STAG3: variants seen among roughly 807,000 people sequenced by gnomAD.
The protein encoded by STAG3 is STAG3 cohesin complex component.
STAG3 carries 101 observed loss-of-function variants against 160.7 expected under a neutral mutation model. The ratio of observed to expected loss-of-function variants is 0.63; its 90% CI spans 0.54 to 0.74. The LOEUF is 0.74. STAG3 is among the 30% of genes least tolerant of loss of function. The probability of loss-of-function intolerance (pLI) is 0.00; values close to 1 mark genes in which losing one functional copy is unlikely to be tolerated. For missense variants in STAG3, 1,188 were observed against 1,517.4 expected, an observed-to-expected ratio of 0.78 and a Z score of 3.61; for synonymous variants, 519 against 585.0, an observed-to-expected ratio of 0.89 and a Z score of 1.63.
intron 2 of STAG3, 63 bp from the exon 3 acceptor site, chr7:100,182,027 A>C: frequency 3.2e-6 from 4 of 1,240,668 alleles, no homozygotes; most frequent in Non-Finnish European, 3.5e-6. Flanking sequence ...ACCATAATTA[A>C]TTAGCCTTTT....
At chr7:100,195,257 T>G in intron 8 of STAG3, 52 bp from the exon 9 acceptor site, 1 of 1,539,364 alleles carries the variant, frequency 6.5e-7, no homozygotes, top group East Asian at 2.2e-5. Flanking sequence ...CTTCAGGGCC[T>G]TATGCTTGTT....
In STAG3 at chr7:100,201,821, C is replaced by T. The variant is rs1476160510; in HGVS notation, c.2256C>T (p.Ser752=). The T allele has an allele frequency of 1.2e-6, 2 of 1,614,144 alleles. No individual in the cohort carries two copies. Among genetic ancestry groups the T allele is most frequent in the East Asian group, 2.2e-5 (1 of 44,884 alleles). ...CAGCCTTGACTCTTGTCTATTTTTCCATTCTCTGGACACTAACCCACATTT... is the reference window on the plus strand; with the variant it reads ...CAGCCTTGACTCTTGTCTATTTTTCTATTCTCTGGACACTAACCCACATTT... ...ILPALTLVYF[S]ILWTLTHISK... The change falls in exon 22 of 34, where the codon TCC becomes TCT. Residue 752 remains serine (S), a synonymous_variant. Coordinates refer to ENST00000615138, the MANE Select transcript of STAG3 (RefSeq NM_001282717.2).
chr7:100,184,610 G>A (rs565940909), intron 4 of STAG3, among the ~76,000 whole-genome samples: 9 of 151,610 alleles, frequency 5.9e-5, no homozygotes, highest in East Asian at 3.9e-4. Flanking sequence ...TGGGATTACA[G>A]ATGCATGCCA....
chr7:100,189,728 C>A, intron 8 of STAG3, 132 bp downstream of exon 8: 3 of 1,045,214 alleles, frequency 2.9e-6, no homozygotes, highest in Non-Finnish European at 4.2e-6. Flanking sequence ...GTTTCATAGA[C>A]CCATCCTGTA....
intron 13 of STAG3, 83 bp from the exon 14 acceptor site, chr7:100,198,760 T>G (rs1800857637): frequency 6.7e-6 from 9 of 1,337,748 alleles, no homozygotes; most frequent in Non-Finnish European, 8.6e-6. Context: ...TATCATCTCC[T>G]TGGGCCATCT....
chr7:100,216,770 CAA>C (rs398067113), downstream of STAG3, among the ~76,000 whole-genome samples: 1 of 128,730 alleles, frequency 7.8e-6, no homozygotes, highest in African/African-American at 2.9e-5. Context: ...GACTCCGTTT[CAA>C]AAAAAAAAAA....
At chr7:100,203,553 C>T (rs550819739) in intron 25 of STAG3, among the ~76,000 whole-genome samples, 17 of 151,770 alleles carry the variant, frequency 1.1e-4, no homozygotes, top group Admixed American at 2.0e-4. Context: ...CTCGCTCTGT[C>T]GCCCAGGCTG....
intron 8 of STAG3, among the ~76,000 whole-genome samples, chr7:100,193,087 C>T (rs1800441825): frequency 6.6e-6 from 1 of 152,198 alleles, no homozygotes; most frequent in African/African-American, 2.4e-5. Flanking sequence ...CACCAGAGCT[C>T]TTGGGTGACC....
rs764301165 is a variant in STAG3 at position 100,202,328 on chromosome 7, GACCTGGGCAGTGGTGCAGTGACTCTAT to G, written c.2559_2563+22del. The G allele has an allele frequency of 1.2e-6, 2 of 1,614,158 alleles. No homozygotes were observed. Among genetic ancestry groups the G allele is most frequent in the South Asian group, 1.1e-5 (1 of 91,068 alleles). ...GGACCACGTCTTCATCCAGCCGGGAGACCTGGGCAGTGGTGCAGTGACTCTATACCTGGGGCTCAGTAAGGGCTGGGG... is the reference window on the plus strand; with the variant it reads ...GGACCACGTCTTCATCCAGCCGGGAGACCTGGGGCTCAGTAAGGGCTGGGG... On this transcript the variant is annotated splice_donor_variant and splice_donor_5th_base_variant and coding_sequence_variant and intron_variant, in exon 24 of 34. Transcript: ENST00000615138. LOFTEE classifies it high-confidence loss of function.
intron 8 of STAG3, among the ~76,000 whole-genome samples, chr7:100,192,330 G>T (rs1320160758): frequency 1.3e-5 from 2 of 152,126 alleles, no homozygotes; most frequent in Non-Finnish European, 2.9e-5. Context: ...TTTGAAACCA[G>T]CCTGGCCAAC....
At chr7:100,188,315 CTG>C in intron 5 of STAG3, 136 bp from the exon 6 acceptor site, 1 of 762,460 alleles carries the variant, frequency 1.3e-6, no homozygotes, top group South Asian at 1.4e-5. Flanking sequence ...TGTTGGCAGA[CTG>C]TTGACCAGGG....
At chr7:100,204,499 G>A (rs1801445596) in intron 26 of STAG3, 128 bp from the exon 27 acceptor site, 1 of 1,179,170 alleles carries the variant, frequency 8.5e-7, no homozygotes, top group Admixed American at 2.6e-5. Flanking sequence ...TAGAAGGAAG[G>A]AAAGAGTAAA....
In STAG3 at chr7:100,211,832, G is replaced by C. The variant is rs767826975; in HGVS notation, c.3556G>C (p.Glu1186Gln). 30 of 1,614,042 alleles carry C rather than the reference G, an allele frequency of 1.9e-5. No homozygotes were observed. The highest frequency in any genetic ancestry group is 1.1e-4 in the East Asian group (5 of 44,892). The change falls in exon 32 of 34, where the codon GAA becomes CAA. Residue 1186 changes from glutamate (E) to glutamine (Q), a missense_variant. Around this residue, in one of 4 missense-constraint regions of STAG3, gnomAD observed 647 missense variants for 717.2 expected, o/e 0.90. Coordinates refer to ENST00000615138, the MANE Select transcript of STAG3 (RefSeq NM_001282717.2). ...LMEEDEEEEL[E>Q]IQDESNEERQ... is the part of the protein sequence containing the mutation. ...GGAAGAGGACGAGGAAGAAGAGTTA[G>C]AAATCCAGGATGAGTCAAATGAAGA...
At position 100,200,228 on chromosome 7, in the gene STAG3, C is replaced by T. The variant is rs1486792336; in HGVS notation, c.1678-8C>T. ...ACCTCCCCCACCCCCAAGTGACTCT[C>T]ATTCCAGGGCTTAACCTCTAAGGAG... On this transcript the variant is annotated splice_region_variant and splice_polypyrimidine_tract_variant and intron_variant, in intron 16 of 33. Coordinates refer to ENST00000615138, the MANE Select transcript of STAG3 (RefSeq NM_001282717.2). 2 of 1,608,548 alleles carry T rather than the reference C, an allele frequency of 1.2e-6. No individual in the cohort carries two copies. Among genetic ancestry groups the T allele is most frequent in the Non-Finnish European group, 1.7e-6 (2 of 1,177,758 alleles).
chr7:100,182,117 A>G lies in STAG3; in HGVS notation c.144A>G (p.Glu48=). ...EGNGDSLLAD[E]DTDFEDSLNR... is the part of the protein sequence containing the mutation. The stretch of plus-strand genomic sequence containing the variant: ...ATGGCGACTCTTTGTTAGCTGATGA[A>G]GACACTGACTTTGAAGACAGCTTGA... The change falls in exon 3 of 34, where the codon GAA becomes GAG. Residue 48 remains glutamate, a synonymous_variant. Transcript: ENST00000615138. 1 of 1,613,772 alleles carries G rather than the reference A, an allele frequency of 6.2e-7. No individual in the cohort carries two copies. Among genetic ancestry groups the G allele is most frequent in the Non-Finnish European group, 8.5e-7 (1 of 1,179,862 alleles).
intron 5 of STAG3, among the ~76,000 whole-genome samples, chr7:100,187,349 C>CGTT (rs370505614): frequency 6.7e-6 from 1 of 149,732 alleles, no homozygotes; most frequent in Non-Finnish European, 1.5e-5. Context: ...TTTTTTTTGT[C>CGTT]GTTGTTGTTG....
chr7:100,188,817 G>A lies in STAG3; in HGVS notation c.516G>A (p.Ser172=), dbSNP rs751470137. 28 of 1,613,888 alleles carry A rather than the reference G, an allele frequency of 1.7e-5. No individual in the cohort carries two copies. In the Middle Eastern group the frequency reaches 8.2e-4, roughly 47 times the overall value. ...TTTCATACATCCTTTTGTAGGACTC[G>A]GGGGACTACCCTCTCATAGCTCCAG... ...QHLTEQFNED[S]GDYPLIAPGP... Residue 172 remains serine, a synonymous_variant, in exon 7 of 34, where the codon TCG becomes TCA. Coordinates refer to ENST00000615138, the MANE Select transcript of STAG3 (RefSeq NM_001282717.2).
At position 100,205,039 on chromosome 7, in the gene STAG3, C is replaced by G; in HGVS notation, c.2986C>G (p.Pro996Ala). 6.2e-7 allele frequency: 1 copy of G among 1,614,102 alleles called. No homozygotes were observed. Among genetic ancestry groups the G allele is most frequent in the Non-Finnish European group, 8.5e-7 (1 of 1,179,980 alleles). The change falls in exon 28 of 34, where the codon CCA becomes GCA. Residue 996 changes from proline (P) to alanine (A), a missense_variant. By Grantham distance (27) the Pro-to-Ala change is conservative. This residue lies in a region of STAG3 where 647 missense variants were observed against 717.2 expected (regional missense o/e 0.90). Transcript: ENST00000615138. ...GIQFSLSELP[P>A]AGSSNQPPNL... ...CCAGTTCTCCTTGTCTGAGCTTCCT[C>G]CAGCTGGCTCCTCCAATCAGCCTCC...
At chr7:100,185,047 C>CT (rs755102157) in intron 4 of STAG3, among the ~76,000 whole-genome samples, 53 of 146,022 alleles carry the variant, frequency 3.6e-4, no homozygotes, top group Middle Eastern at 3.5e-3. Context: ...TCCAGAATCA[C>CT]TTTTTTTTTT....
Sources: gnomAD v4.1 joint callset for allele counts (sites outside exome capture counted in the v4.1 genomes callset) on GRCh38, gnomAD v4.1.1 for gene constraint, gnomAD v4.1.1 regional missense constraint, MANE v1.5 for transcripts, NCBI Gene and HGNC (gene_info 2026-07-23, HGNC 2026-07-21) for gene names.